ARHGAP15: variants seen among roughly 807,000 people sequenced by gnomAD.
ARHGAP15 encodes the protein Rho GTPase activating protein 15.
In ARHGAP15, 51 loss-of-function variants were observed where a neutral mutation model predicts 63.7. The ratio of observed to expected loss-of-function variants is 0.80; its 90% CI spans 0.64 to 1.01. The LOEUF is 1.01. Among genes scored for constraint, ARHGAP15 ranks in the 50% least tolerant of loss-of-function variants. The pLI is 0.00. For missense variants in ARHGAP15, 560 were observed against 564.6 expected (o/e 0.99, Z 0.08); for synonymous variants, 191 against 193.8 (o/e 0.99, Z 0.12).
At chr2:143,617,946 T>C (rs1010400834) in intron 11 of ARHGAP15, among the ~76,000 whole-genome samples, 7 of 152,176 alleles carry the variant, frequency 4.6e-5, no homozygotes, top group Non-Finnish European at 1.0e-4. Flanking sequence ...TTGAAAACAA[T>C]TAAGTGAACA....
chr2:143,241,322 A>G (rs1332443860), intron 5 of ARHGAP15, among the ~76,000 whole-genome samples: 1 of 152,140 alleles, frequency 6.6e-6, no homozygotes, highest in African/African-American at 2.4e-5. Context: ...TTATTTTCAC[A>G]TATTTATTGG....
chr2:143,309,130 AG>A (rs1025157207), intron 6 of ARHGAP15, among the ~76,000 whole-genome samples: 6 of 152,048 alleles, frequency 3.9e-5, no homozygotes, highest in Non-Finnish European at 7.4e-5. Flanking sequence ...GACACACTGA[AG>A]GAGATTTGTT....
chr2:143,623,662 T>C (rs72992553), intron 11 of ARHGAP15, among the ~76,000 whole-genome samples: 2,077 of 152,362 alleles, frequency 0.014, 57 homozygotes, highest in African/African-American at 0.048. Context: ...CCCTTGTACA[T>C]AGCAAGGCTA....
chr2:143,488,672 A>G (rs1448008704), intron 9 of ARHGAP15, among the ~76,000 whole-genome samples: 1 of 152,254 alleles, frequency 6.6e-6, no homozygotes, highest in Non-Finnish European at 1.5e-5. Context: ...TTTCAGCATT[A>G]CTTAAAAAGA....
intron 10 of ARHGAP15, 41 bp downstream of exon 10, chr2:143,519,405 C>A (rs983893925): frequency 1.3e-6 from 2 of 1,500,800 alleles, no homozygotes; most frequent in South Asian, 1.1e-5. Context: ...CATTACTGCA[C>A]CCTCTACACA....
intron 13 of ARHGAP15, among the ~76,000 whole-genome samples, chr2:143,713,961 G>T (rs942378815): frequency 6.6e-6 from 1 of 152,132 alleles, no homozygotes; most frequent in African/African-American, 2.4e-5. Flanking sequence ...GTAAGCTGTT[G>T]GTGGATCTAC....
chr2:143,370,735 A>G (rs1264819971), intron 6 of ARHGAP15, among the ~76,000 whole-genome samples: 12 of 152,206 alleles, frequency 7.9e-5, no homozygotes, highest in Non-Finnish European at 4.4e-5. Flanking sequence ...GTGGACTAGT[A>G]TACTTCATGA....
chr2:143,487,333 A>G, intron 8 of ARHGAP15, 40 bp from the exon 9 acceptor site: 2 of 1,582,200 alleles, frequency 1.3e-6, no homozygotes, highest in Non-Finnish European at 1.7e-6. Context: ...ATCATAAAGG[A>G]GAAATTTACC....
At chr2:143,257,608 C>A (rs1042972000) in intron 6 of ARHGAP15, among the ~76,000 whole-genome samples, 1 of 152,128 alleles carries the variant, frequency 6.6e-6, no homozygotes, top group Non-Finnish European at 1.5e-5. Context: ...TTGTGAATCC[C>A]TTCCTCTCAT....
At chr2:143,232,165 A>G in intron 5 of ARHGAP15, among the ~76,000 whole-genome samples, 1 of 152,322 alleles carries the variant, frequency 6.6e-6, no homozygotes, top group South Asian at 2.1e-4. Flanking sequence ...AGGAAGAATG[A>G]CCTATTCTGT....
intron 8 of ARHGAP15, among the ~76,000 whole-genome samples, chr2:143,462,856 A>G (rs1263523489): frequency 2.0e-5 from 3 of 152,156 alleles, no homozygotes; most frequent in African/African-American, 7.2e-5. Flanking sequence ...GGAGCTTGCT[A>G]TGCAAGTCTG....
intron 5 of ARHGAP15, among the ~76,000 whole-genome samples, chr2:143,234,666 A>G (rs890078808): frequency 2.0e-5 from 3 of 152,084 alleles, no homozygotes; most frequent in South Asian, 2.1e-4. Flanking sequence ...TCTTCTTTAT[A>G]TTTCCTTCGG....
At chr2:143,316,406 C>A (rs1683711600) in intron 6 of ARHGAP15, among the ~76,000 whole-genome samples, 1 of 151,672 alleles carries the variant, frequency 6.6e-6, no homozygotes, top group Non-Finnish European at 1.5e-5. Flanking sequence ...AACTCCCCAG[C>A]ACTTGTGTGT....
chr2:143,438,042 C>T (rs1459971886), intron 8 of ARHGAP15, among the ~76,000 whole-genome samples: 1 of 152,120 alleles, frequency 6.6e-6, no homozygotes, highest in East Asian at 1.9e-4. Context: ...AGGTAGACAT[C>T]TTTGGAACCA....
chr2:143,366,252 C>G (rs929754596), intron 6 of ARHGAP15, among the ~76,000 whole-genome samples: 1 of 151,994 alleles, frequency 6.6e-6, no homozygotes, highest in Non-Finnish European at 1.5e-5. Flanking sequence ...TGCTGAATCA[C>G]TTTTTTTGGA....
chr2:143,399,831 A>G (rs1230966188), intron 6 of ARHGAP15, among the ~76,000 whole-genome samples: 1 of 152,036 alleles, frequency 6.6e-6, no homozygotes, highest in Admixed American at 6.6e-5. Flanking sequence ...TCTATCAGAT[A>G]AGGACATTGG....
chr2:143,513,590 AG>A (rs1476453519), intron 9 of ARHGAP15, among the ~76,000 whole-genome samples: 1 of 152,186 alleles, frequency 6.6e-6, no homozygotes, highest in Non-Finnish European at 1.5e-5. Flanking sequence ...ATTTTTCTTA[AG>A]GTCACTCATA....
intron 6 of ARHGAP15, among the ~76,000 whole-genome samples, chr2:143,324,641 T>G (rs1684175964): frequency 6.6e-6 from 1 of 152,084 alleles, no homozygotes; most frequent in African/African-American, 2.4e-5. Context: ...GCCATAATCT[T>G]ACGTTCAGAT....
intron 13 of ARHGAP15, among the ~76,000 whole-genome samples, chr2:143,713,699 G>C (rs1364779039): frequency 9.7e-6 from 1 of 103,428 alleles, no homozygotes; most frequent in Non-Finnish European, 2.3e-5. Context: ...CATTCCAAGT[G>C]GGAGAAATCA....
Sources: allele counts gnomAD v4.1 joint callset (sites outside exome capture counted in the v4.1 genomes callset), GRCh38; gene constraint gnomAD v4.1.1; transcripts MANE v1.5; gene names NCBI Gene and HGNC (gene_info 2026-07-23, HGNC 2026-07-21).